The following ADAMTS18 variants were observed in gnomAD, a reference collection of about 807,000 sequenced individuals.
ADAMTS18 encodes the protein A disintegrin and metalloproteinase with thrombospondin motifs 18.
ADAMTS18 carries 157 observed loss-of-function variants against 165.9 expected under a neutral mutation model. The ratio of observed to expected loss-of-function variants is 0.95; its 90% confidence interval spans 0.83 to 1.08. The LOEUF is 1.08. ADAMTS18 is among the 50% of genes least tolerant of loss of function. The probability of loss-of-function intolerance (pLI) is 0.00; values close to 1 mark genes in which losing one functional copy is unlikely to be tolerated. For synonymous variants in ADAMTS18, 782 were observed against 578.2 expected, an observed-to-expected ratio of 1.35 and a Z score of -5.06; for missense variants, 2,040 against 1,534.0, an observed-to-expected ratio of 1.33 and a Z score of -5.51.
At chr16:77,414,158 A>G (rs1043849888) in intron 3 of ADAMTS18, among the ~76,000 whole-genome samples, 1 of 152,236 alleles carries the variant, frequency 6.6e-6, no homozygotes, top group Non-Finnish European at 1.5e-5. Flanking sequence ...ACATCAGAGT[A>G]TTCAGCTGAA....
chr16:77,338,680 G>A (rs1046751482), intron 11 of ADAMTS18, among the ~76,000 whole-genome samples: 5 of 151,944 alleles, frequency 3.3e-5, no homozygotes, highest in East Asian at 2.0e-4. Context: ...TTGGCCGGGC[G>A]CGGTGGCTCA....
chr16:77,388,525 T>G (rs996006462), intron 3 of ADAMTS18, among the ~76,000 whole-genome samples: 7 of 152,184 alleles, frequency 4.6e-5, no homozygotes, highest in African/African-American at 1.7e-4. Flanking sequence ...CTACTGCTTG[T>G]AAGGCGTGTG....
At chr16:77,415,725 C>CAAAAAAAAAAAAA (rs71137817) in intron 3 of ADAMTS18, among the ~76,000 whole-genome samples, 4 of 101,996 alleles carry the variant, frequency 3.9e-5, no homozygotes, top group African/African-American at 1.1e-4. Flanking sequence ...GCTGGGTAGG[C>CAAAAAAAAAAAAA]AAAAAAAAAA....
At chr16:77,352,874 C>T (rs958580743) in intron 10 of ADAMTS18, among the ~76,000 whole-genome samples, 2 of 152,044 alleles carry the variant, frequency 1.3e-5, no homozygotes, top group African/African-American at 4.8e-5. Context: ...ACTTGGGAGG[C>T]CGAGGTGGGA....
intron 16 of ADAMTS18, among the ~76,000 whole-genome samples, chr16:77,309,751 C>T (rs1828829256): frequency 6.6e-6 from 1 of 152,128 alleles, no homozygotes; most frequent in African/African-American, 2.4e-5. Context: ...CTGCCTTGTA[C>T]TACAAAACAC....
At chr16:77,358,939 GT>G (rs538991508) in intron 8 of ADAMTS18, among the ~76,000 whole-genome samples, 1 of 152,094 alleles carries the variant, frequency 6.6e-6, no homozygotes, top group Non-Finnish European at 1.5e-5. Flanking sequence ...TGCAGCAAAA[GT>G]TTTTTTAAAA....
In ADAMTS18 at chr16:77,289,358, C is replaced by A; in HGVS notation, c.3456G>T (p.Gln1152His). ...GVQTRSVHCV[Q>H]QGRPSSSCLL... ...GACAACTTGAGGAAGGCCGGCCTTG[C>A]TGAACACAGTGGACTGACCGGGTCT... Residue 1152 changes from glutamine (Q) to histidine (H), a missense_variant, in exon 22 of 23, where the codon CAG becomes CAT. Coordinates refer to ENST00000282849, the MANE Select transcript of ADAMTS18 (RefSeq NM_199355.4). 14 of 1,614,128 alleles carry A rather than the reference C, an allele frequency of 8.7e-6. No individual in the cohort carries two copies. Among genetic ancestry groups the A allele is most frequent in the Non-Finnish European group, 1.2e-5 (14 of 1,180,000 alleles).
Position 77,300,401 on chromosome 16 carries a change from G to A in ADAMTS18, c.2536C>T (p.Leu846=), listed in dbSNP as rs147216566. Reference sequence around the variant, plus strand: ...ATCCCTGGATTTTTGCCTTGCATCAGAATCTGGACAGTGTAAGATAAAAAT... The same window carrying A: ...ATCCCTGGATTTTTGCCTTGCATCAAAATCTGGACAGTGTAAGATAAAAAT... ...PTNETLVFEI[L]MQGKNPGIAW... The change falls in exon 17 of 23, where the codon CTG becomes TTG. Residue 846 remains leucine (L), a synonymous_variant. Transcript: ENST00000282849. 9.3e-5 allele frequency: 150 copies of A among 1,614,010 alleles called. 1 individual carries two copies. Among genetic ancestry groups the A allele is most frequent in the Non-Finnish European group, 8.7e-5 (103 of 1,179,952 alleles).
In ADAMTS18 at chr16:77,401,741, A is replaced by G. The variant is rs145434699; in HGVS notation, c.495+29554T>C. Among the ~76,000 whole-genome samples, 39 of 152,376 alleles carry G rather than the reference A, an allele frequency of 2.6e-4. No individual in the cohort carries two copies. The East Asian group carries it at 5.4e-3, about 21-fold the overall frequency. On this transcript the variant is annotated intron_variant, in intron 3 of 22. Transcript: ENST00000282849. The stretch of plus-strand genomic sequence containing the variant: ...GGATTCACCCTCACTGACACAGAGA[A>G]GCATCATCTAATTTCTTGAGGGTCT...
rs148305394 is a variant in ADAMTS18 at position 77,367,485 on chromosome 16, T to C, written c.734A>G (p.His245Arg). The C allele has an allele frequency of 3.1e-6, 5 of 1,614,084 alleles. No individual in the cohort carries two copies. The African/African-American group carries it at 4.0e-5, about 13-fold the overall frequency. ...AAAATGCTGCTTTTGCAACCTTCGA[T>C]GGTGATACTCTGTCTCTCGACTCTG... ...ASQSRETEYH[H>R]RRLQKQHFCG... The change falls in exon 4 of 23, where the codon CAT (histidine) becomes CGT (arginine). Residue 245 changes from histidine to arginine, a missense_variant. By Grantham distance (29) the His-to-Arg change is conservative (BLOSUM62 0). Transcript: ENST00000282849.
chr16:77,301,644 G>T lies in ADAMTS18; in HGVS notation c.2533-1240C>A, dbSNP rs1401951204. The stretch of plus-strand genomic sequence containing the variant: ...CGGGTGGGATCCCACCTCCATTAGA[G>T]TTTGGTGGGTGGCAGCTGTTCAAGG... On this transcript the variant is annotated intron_variant, in intron 16 of 22. Coordinates refer to ENST00000282849, the MANE Select transcript of ADAMTS18 (RefSeq NM_199355.4). 3.9e-5 allele frequency among the ~76,000 whole-genome samples: 6 copies of T among 152,218 alleles called. 1 individual carries two copies. Among genetic ancestry groups the T allele is most frequent in the Non-Finnish European group, 4.4e-5 (3 of 68,050 alleles).
At chr16:77,300,497 G>T in intron 16 of ADAMTS18, 93 bp from the exon 17 acceptor site, 1 of 1,434,086 alleles carries the variant, frequency 7.0e-7, no homozygotes, top group Non-Finnish European at 9.8e-7. Flanking sequence ...ATATTTACAT[G>T]ACATTTTGAC....
Position 77,434,831 on chromosome 16 carries a change from C to T in ADAMTS18, c.-136G>A, listed in dbSNP as rs2057778233. 6 of 686,978 alleles carry T rather than the reference C, an allele frequency of 8.7e-6. No individual in the cohort carries two copies. Among genetic ancestry groups the T allele is most frequent in the African/African-American group, 1.9e-5 (1 of 52,576 alleles). The allele number at this position is 686,978 out of a possible 1,614,324, so 42.6% of individuals were successfully genotyped here. A position where few individuals can be genotyped will look rare whatever the true frequency, so the allele number is the denominator to read the frequency against. On this transcript the variant is annotated 5_prime_UTR_variant, in exon 1 of 23. Coordinates refer to ENST00000282849, the MANE Select transcript of ADAMTS18 (RefSeq NM_199355.4). ...AGGTGAGAGCCGCCGCCGTTCACAT[C>T]GCAGCGGGGGCGCGCTGGGACCTCC...
At chr16:77,375,991 C>T (rs113735747) in intron 3 of ADAMTS18, among the ~76,000 whole-genome samples, 5,052 of 145,312 alleles carry the variant, frequency 0.035, 97 homozygotes, top group South Asian at 0.06. Context: ...GCAACCGCTG[C>T]CTCCCGGGTT....
At chr16:77,346,546 T>C (rs950658750) in intron 10 of ADAMTS18, among the ~76,000 whole-genome samples, 1 of 152,202 alleles carries the variant, frequency 6.6e-6, no homozygotes, top group Non-Finnish European at 1.5e-5. Context: ...TTGCATAAAT[T>C]ATTTCATTGT....
At chr16:77,411,719 C>G in intron 3 of ADAMTS18, among the ~76,000 whole-genome samples, 1 of 122,012 alleles carries the variant, frequency 8.2e-6, no homozygotes, top group Admixed American at 9.6e-5. Context: ...CAGAGTCTTG[C>G]CCTGTCACCT....
chr16:77,427,138 T>G (rs1358769168), intron 3 of ADAMTS18, among the ~76,000 whole-genome samples: 1 of 152,184 alleles, frequency 6.6e-6, no homozygotes, highest in Admixed American at 6.5e-5. Context: ...GAATTAAAAA[T>G]ACACCTTCCT....
Position 77,398,174 on chromosome 16 carries a change from G to T in ADAMTS18, c.496-30451C>A, listed in dbSNP as rs149182970. Among the ~76,000 whole-genome samples the T allele has an allele frequency of 4.6e-3, 697 of 152,068 alleles. 6 individuals carry two copies. Among genetic ancestry groups the T allele is most frequent in the African/African-American group, 0.016 (659 of 41,480 alleles). On this transcript the variant is annotated intron_variant, in intron 3 of 22. Transcript: ENST00000282849. ...TCTACTAAAAATACAAAAATTAGCC[G>T]GATGTGGTGATGCATGCCTGTAATC... is the stretch of plus-strand genomic sequence containing the variant.
intron 3 of ADAMTS18, among the ~76,000 whole-genome samples, chr16:77,387,925 T>A (rs2057131730): frequency 6.6e-6 from 1 of 152,198 alleles, no homozygotes; most frequent in South Asian, 2.1e-4. Flanking sequence ...CCTGCTCCTG[T>A]ATTCTCTATG....
Sources: allele counts gnomAD v4.1 joint callset (sites outside exome capture counted in the v4.1 genomes callset), GRCh38; gene constraint gnomAD v4.1.1; transcripts MANE v1.5; gene names NCBI Gene and HGNC (gene_info 2026-07-23, HGNC 2026-07-21).